SEPTIN9: variants seen among roughly 807,000 people sequenced by gnomAD.
SEPTIN9 encodes septin-9.
In SEPTIN9, 13 loss-of-function variants were observed where a neutral mutation model predicts 56.6. The ratio of observed to expected loss-of-function variants is 0.23; its 90% CI spans 0.15 to 0.37. SEPTIN9 has a LOEUF of 0.37. Ranked by LOEUF, SEPTIN9 falls within the 10% of genes least tolerant of loss-of-function variation. The pLI, the probability that SEPTIN9 is intolerant of heterozygous loss-of-function variation, is 1.00. For missense variants in SEPTIN9, 650 were observed against 823.1 expected, an observed-to-expected ratio of 0.79 and a Z score of 2.57; for synonymous variants, 332 against 334.1, an observed-to-expected ratio of 0.99 and a Z score of 0.07.
chr17:77,340,539 G>C (rs1475602231), intron 2 of SEPTIN9, among the ~76,000 whole-genome samples: 2 of 152,136 alleles, frequency 1.3e-5, no homozygotes, highest in Non-Finnish European at 2.9e-5. Context: ...GAATAGATTT[G>C]GCAGAATTCT....
chr17:77,381,856 G>A (rs1180767929), intron 2 of SEPTIN9, among the ~76,000 whole-genome samples: 1 of 152,126 alleles, frequency 6.6e-6, no homozygotes, highest in East Asian at 1.9e-4. Context: ...GGTACCCCAA[G>A]GGCCAGCTCT....
intron 3 of SEPTIN9, among the ~76,000 whole-genome samples, chr17:77,416,785 C>A (rs551002006): frequency 6.6e-6 from 1 of 152,230 alleles, no homozygotes; most frequent in African/African-American, 2.4e-5. Flanking sequence ...ACCTGGATGG[C>A]CAGTCCCAGA....
chr17:77,384,772 G>A lies in SEPTIN9; in HGVS notation c.77-17287G>A, dbSNP rs184955448. On this transcript the variant is annotated intron_variant, in intron 2 of 11. Coordinates refer to ENST00000427177, the MANE Select transcript of SEPTIN9 (RefSeq NM_001113491.2). Reference sequence around the variant, plus strand: ...AATCGAGAGAACGGGCCCAAAATGTGTAGGGACCTCAGCCACATGGCGCCA... The same window carrying A: ...AATCGAGAGAACGGGCCCAAAATGTATAGGGACCTCAGCCACATGGCGCCA... 5.0e-4 allele frequency among the ~76,000 whole-genome samples: 76 copies of A among 151,910 alleles called. 1 individual carries two copies. The East Asian group carries it at 0.014, about 27-fold the overall frequency.
chr17:77,298,740 C>T (rs971849188), intron 1 of SEPTIN9, among the ~76,000 whole-genome samples: 35 of 152,202 alleles, frequency 2.3e-4, no homozygotes, highest in African/African-American at 8.4e-4. Context: ...CTCATTGCTT[C>T]CTGGCCTCTC....
Position 77,336,998 on chromosome 17 carries a change from G to GTTT in SEPTIN9, c.76+29819_76+29821dup, listed in dbSNP as rs61414789. On this transcript the variant is annotated intron_variant, in intron 2 of 11. Transcript: ENST00000427177. The stretch of plus-strand genomic sequence containing the variant: ...TTACAATGATTGATTTTTGCCCCCC[G>GTTT]TTTTTTTTTTTTTTTTTTTTAAAGA... 3.4e-4 allele frequency among the ~76,000 whole-genome samples: 44 copies of GTTT among 128,482 alleles called. 1 individual carries two copies. The highest frequency in any genetic ancestry group is 1.3e-3 in the South Asian group (5 of 3,860). 84.3% of individuals were successfully genotyped at this position (128,482 alleles called of 152,430 possible).
At chr17:77,482,039 CAG>C in intron 3 of SEPTIN9, 103 bp from the exon 4 acceptor site, 1 of 1,112,096 alleles carries the variant, frequency 9.0e-7, no homozygotes, top group Non-Finnish European at 1.3e-6. Context: ...TTCTGAGCCT[CAG>C]TGCCTCAGTT....
At chr17:77,399,056 C>T (rs2035818647) in intron 2 of SEPTIN9, among the ~76,000 whole-genome samples, 3 of 152,210 alleles carry the variant, frequency 2.0e-5, no homozygotes, top group African/African-American at 7.2e-5. Flanking sequence ...GCCACGCAGA[C>T]AACTGGAGGA....
Position 77,326,235 on chromosome 17 carries a change from G to A in SEPTIN9, c.76+19038G>A, listed in dbSNP as rs1395295961. On this transcript the variant is annotated intron_variant, in intron 2 of 11. Transcript: ENST00000427177. This position sits in a 1 kb window ranked among gnomAD's most constrained non-coding sequence, Gnocchi z 5.1. Reference sequence around the variant, plus strand: ...TCACTCATTCATTCATTCAGCATTGGGTGCTCCCTGTGGACTTGGCGCTGG... The same window carrying A: ...TCACTCATTCATTCATTCAGCATTGAGTGCTCCCTGTGGACTTGGCGCTGG... 1.3e-5 allele frequency among the ~76,000 whole-genome samples: 2 copies of A among 152,188 alleles called. No individual in the cohort carries two copies. The highest frequency in any genetic ancestry group is 1.3e-4 in the Admixed American group (2 of 15,282).
intron 3 of SEPTIN9, among the ~76,000 whole-genome samples, chr17:77,466,228 G>A (rs1166779398): frequency 6.6e-5 from 10 of 152,372 alleles, no homozygotes; most frequent in East Asian, 1.9e-4. Flanking sequence ...CCGGTAGGCA[G>A]TTTGCACTGT....
At position 77,490,849 on chromosome 17, in the gene SEPTIN9, T is replaced by A; in HGVS notation, c.1370T>A (p.Phe457Tyr). Reference sequence around the variant, plus strand: ...CTCACCCTGGAGGAGAGGGTCCACTTCAAACAGCGGGTAGGGTTCCATCTC... The same window carrying A: ...CTCACCCTGGAGGAGAGGGTCCACTACAAACAGCGGGTAGGGTTCCATCTC... ...DTLTLEERVH[F>Y]KQRITADLLS... The change falls in exon 8 of 12, where the codon TTC (phenylalanine) becomes TAC (tyrosine). Residue 457 changes from phenylalanine (F) to tyrosine (Y), a missense_variant. This residue lies in a region of SEPTIN9 where 333 missense variants were observed against 494.0 expected (regional missense o/e 0.67). Transcript: ENST00000427177. 1 of 1,578,408 alleles carries A rather than the reference T, an allele frequency of 6.3e-7. No individual in the cohort carries two copies. The highest frequency in any genetic ancestry group is 8.6e-7 in the Non-Finnish European group (1 of 1,161,660).
chr17:77,358,053 A>G (rs1251059226), intron 2 of SEPTIN9, among the ~76,000 whole-genome samples: 1 of 152,212 alleles, frequency 6.6e-6, no homozygotes, highest in Non-Finnish European at 1.5e-5. Flanking sequence ...TGTTATTATG[A>G]GTCCTTTCAA....
At chr17:77,315,820 A>T (rs1254164869) in intron 2 of SEPTIN9, among the ~76,000 whole-genome samples, 1 of 152,236 alleles carries the variant, frequency 6.6e-6, no homozygotes, top group African/African-American at 2.4e-5. Flanking sequence ...TGTCGCAGAA[A>T]AGTGGCCAGG....
intron 1 of SEPTIN9, among the ~76,000 whole-genome samples, chr17:77,285,220 G>T (rs2031221273): frequency 6.6e-6 from 1 of 151,826 alleles, no homozygotes; most frequent in Non-Finnish European, 1.5e-5. Context: ...TCTGAGTTTT[G>T]GGACTCCCTT....
intron 1 of SEPTIN9, among the ~76,000 whole-genome samples, chr17:77,289,093 G>A (rs192754022): frequency 6.6e-6 from 1 of 152,046 alleles, no homozygotes; most frequent in African/African-American, 2.4e-5. Flanking sequence ...TGTTTTGTTT[G>A]GTTTGGTTTG....
At position 77,317,027 on chromosome 17, in the gene SEPTIN9, G is replaced by A. The variant is rs1014582766; in HGVS notation, c.76+9830G>A. Among the ~76,000 whole-genome samples, 1 of 152,176 alleles carries A rather than the reference G, an allele frequency of 6.6e-6. No homozygotes were observed. On this transcript the variant is annotated intron_variant, in intron 2 of 11. Transcript: ENST00000427177. The surrounding 1 kb of genome is among the most constrained non-coding windows in gnomAD (Gnocchi z 4.2). ...GAAACCTCTGCGATTCCTGCCCATCGGAGTCAGTGGTTGTTAGTGGTTGGC... is the reference window on the plus strand; with the variant it reads ...GAAACCTCTGCGATTCCTGCCCATCAGAGTCAGTGGTTGTTAGTGGTTGGC...
At chr17:77,315,781 TAA>T (rs2032681568) in intron 2 of SEPTIN9, among the ~76,000 whole-genome samples, 2 of 152,120 alleles carry the variant, frequency 1.3e-5, no homozygotes, top group Admixed American at 1.3e-4. Context: ...ACTTTGCAAT[TAA>T]GAGGAGCTGT....
intron 1 of SEPTIN9, among the ~76,000 whole-genome samples, chr17:77,303,858 G>C (rs2143578699): frequency 6.6e-6 from 1 of 152,062 alleles, no homozygotes; most frequent in Non-Finnish European, 1.5e-5. Context: ...CATCTCCCAG[G>C]GCCCACAGCA....
At chr17:77,309,735 T>C (rs1949949942) in intron 2 of SEPTIN9, among the ~76,000 whole-genome samples, 2 of 146,436 alleles carry the variant, frequency 1.4e-5, no homozygotes, top group Non-Finnish European at 3.0e-5. Context: ...ACACTTTCTT[T>C]CCTTTTAAAA....
In SEPTIN9 at chr17:77,326,648, A is replaced by G. The variant is rs1026566480; in HGVS notation, c.76+19451A>G. Among the ~76,000 whole-genome samples the G allele has an allele frequency of 6.6e-6, 1 of 152,228 alleles. No individual in the cohort carries two copies. The highest frequency in any genetic ancestry group is 1.5e-5 in the Non-Finnish European group (1 of 68,046). ...TTGGTTTTCATCTCCATTTCCTGGC[A>G]CACAACTCCTAAAATCCTTGGAATC... is the stretch of plus-strand genomic sequence containing the variant. On this transcript the variant is annotated intron_variant, in intron 2 of 11. Coordinates refer to ENST00000427177, the MANE Select transcript of SEPTIN9 (RefSeq NM_001113491.2). This position sits in a 1 kb window ranked among gnomAD's most constrained non-coding sequence, Gnocchi z 5.1.
Sources: allele counts gnomAD v4.1 joint callset (sites outside exome capture counted in the v4.1 genomes callset), GRCh38; gene constraint gnomAD v4.1.1; regional missense constraint gnomAD v4.1.1; non-coding constraint Gnocchi (gnomAD v3.1); transcripts MANE v1.5; gene names NCBI Gene and HGNC (gene_info 2026-07-23, HGNC 2026-07-21).